The following CCSER1 variants were observed in gnomAD, a reference collection of about 807,000 sequenced individuals.
The protein encoded by CCSER1 is coiled-coil serine rich protein 1, also known as serine-rich coiled-coil domain-containing protein 1.
In CCSER1, 41 loss-of-function variants were observed where a neutral mutation model predicts 82.0. The ratio of observed to expected loss-of-function variants is 0.50; its 90% CI spans 0.39 to 0.65. The LOEUF is 0.65. Among genes scored for constraint, CCSER1 ranks in the 30% least tolerant of loss-of-function variants. CCSER1 has a pLI of 0.00. For synonymous variants in CCSER1, 414 were observed against 383.9 expected (o/e 1.08, Z -0.92); for missense variants, 1,119 against 1,064.2 (o/e 1.05, Z -0.72).
intron 4 of CCSER1, among the ~76,000 whole-genome samples, chr4:90,449,945 C>T (rs1761217018): frequency 6.6e-6 from 1 of 152,198 alleles, no homozygotes; most frequent in Non-Finnish European, 1.5e-5. Context: ...ATGGAGTGTA[C>T]AGCCCTGGCT....
intron 1 of CCSER1, among the ~76,000 whole-genome samples, chr4:90,207,310 A>T (rs1051318410): frequency 5.3e-5 from 8 of 152,152 alleles, no homozygotes; most frequent in African/African-American, 1.4e-4. Flanking sequence ...TGAATGCCTC[A>T]TGAAATTCTC....
intron 10 of CCSER1, among the ~76,000 whole-genome samples, chr4:91,105,637 G>C (rs1725538268): frequency 1.3e-5 from 2 of 152,098 alleles, no homozygotes; most frequent in South Asian, 4.1e-4. Flanking sequence ...CTGGGAGGAG[G>C]AAGTTGCAGT....
At chr4:90,158,589 C>T (rs1324512858) in intron 1 of CCSER1, among the ~76,000 whole-genome samples, 1 of 152,218 alleles carries the variant, frequency 6.6e-6, no homozygotes, top group Non-Finnish European at 1.5e-5. Context: ...ATGGCGGGCT[C>T]CCCTCCCCAG....
intron 5 of CCSER1, among the ~76,000 whole-genome samples, chr4:90,508,224 A>G (rs1420952297): frequency 6.6e-6 from 1 of 152,120 alleles, no homozygotes; most frequent in Non-Finnish European, 1.5e-5. Context: ...TACAGTGAGT[A>G]TAAGAATGAA....
At position 90,308,404 on chromosome 4, in the gene CCSER1, T is replaced by C. The variant is rs745906600; in HGVS notation, c.120T>C (p.Gly40=). 1.2e-5 allele frequency: 19 copies of C among 1,613,676 alleles called. No individual in the cohort carries two copies. The highest frequency in any genetic ancestry group is 3.3e-5 in the Admixed American group (2 of 59,918). ...PSSPSSSNTV[G]VHSSSPSSTN... Reference sequence around the variant, plus strand: ...CACCTTCTTCCAGTAATACAGTTGGTGTCCACAGTTCCTCTCCTTCCAGCA... The same window carrying C: ...CACCTTCTTCCAGTAATACAGTTGGCGTCCACAGTTCCTCTCCTTCCAGCA... Residue 40 remains glycine, a synonymous_variant, in exon 2 of 11, where the codon GGT becomes GGC. Coordinates refer to ENST00000509176, the MANE Select transcript of CCSER1 (RefSeq NM_001145065.2).
intron 10 of CCSER1, among the ~76,000 whole-genome samples, chr4:91,252,993 A>G (rs1740371831): frequency 6.6e-6 from 1 of 152,024 alleles, no homozygotes; most frequent in Non-Finnish European, 1.5e-5. Context: ...CCTGAATCAA[A>G]GGAGAGATTG....
chr4:90,547,178 G>A (rs1776861369), intron 5 of CCSER1, among the ~76,000 whole-genome samples: 1 of 117,614 alleles, frequency 8.5e-6, no homozygotes, highest in Non-Finnish European at 1.6e-5. Context: ...TGGAGTGATA[G>A]TTTGTTGATG....
chr4:90,300,275 T>A (rs1434471172), intron 1 of CCSER1, among the ~76,000 whole-genome samples: 1 of 152,148 alleles, frequency 6.6e-6, no homozygotes, highest in African/African-American at 2.4e-5. Context: ...TTGGGACACA[T>A]GTTTTGTTAG....
intron 9 of CCSER1, among the ~76,000 whole-genome samples, chr4:91,032,498 G>A (rs935634359): frequency 1.3e-5 from 2 of 152,142 alleles, no homozygotes; most frequent in East Asian, 3.8e-4. Flanking sequence ...GATTTATCCT[G>A]ACTTTGAAAA....
At chr4:91,150,981 T>C (rs1339547663) in intron 10 of CCSER1, among the ~76,000 whole-genome samples, 1 of 152,212 alleles carries the variant, frequency 6.6e-6, no homozygotes, top group Non-Finnish European at 1.5e-5. Context: ...GATGCTGGCC[T>C]CCCAAAATGA....
intron 10 of CCSER1, among the ~76,000 whole-genome samples, chr4:91,469,258 C>G (rs557297678): frequency 6.6e-6 from 1 of 152,128 alleles, no homozygotes; most frequent in East Asian, 1.9e-4. Context: ...CTGAAAAATC[C>G]TTCTGGCCTG....
intron 10 of CCSER1, among the ~76,000 whole-genome samples, chr4:91,174,830 T>C (rs1581708167): frequency 6.6e-6 from 1 of 151,764 alleles, no homozygotes; most frequent in Non-Finnish European, 1.5e-5. Flanking sequence ...TTCTTTTTTT[T>C]TTTTTATTAT....
chr4:91,066,457 A>G (rs1720827590), intron 9 of CCSER1, among the ~76,000 whole-genome samples: 2 of 152,186 alleles, frequency 1.3e-5, no homozygotes, highest in Admixed American at 1.3e-4. Flanking sequence ...AAAATTTGAA[A>G]TGGAAGGTGA....
At chr4:91,176,049 C>T (rs1419485117) in intron 10 of CCSER1, among the ~76,000 whole-genome samples, 1 of 152,190 alleles carries the variant, frequency 6.6e-6, no homozygotes, top group Admixed American at 6.5e-5. Context: ...TATGGCTAGC[C>T]AGTTTTCCCA....
At chr4:90,258,140 G>C (rs569307362) in intron 1 of CCSER1, among the ~76,000 whole-genome samples, 1 of 152,182 alleles carries the variant, frequency 6.6e-6, no homozygotes, top group South Asian at 2.1e-4. Context: ...AATAATTTCT[G>C]GTTTTTATAG....
intron 9 of CCSER1, chr4:90,938,811 T>C (rs189697747): frequency 1.3e-5 from 3 of 236,326 alleles, no homozygotes; most frequent in Admixed American, 9.8e-5. Flanking sequence ...ATCAATTTTT[T>C]CATCATTTCA....
intron 9 of CCSER1, among the ~76,000 whole-genome samples, chr4:90,985,972 A>G (rs946983274): frequency 1.3e-5 from 2 of 151,802 alleles, no homozygotes; most frequent in African/African-American, 4.8e-5. Context: ...AGTTAATAAC[A>G]TTAAGTAAAT....
intron 8 of CCSER1, chr4:90,911,368 A>G (rs375160868): frequency 6.6e-6 from 3 of 455,892 alleles, no homozygotes; most frequent in Non-Finnish European, 4.4e-6. Flanking sequence ...GTGGGTGACA[A>G]TGATCAATGT....
intron 10 of CCSER1, among the ~76,000 whole-genome samples, chr4:91,491,474 T>G (rs1249402631): frequency 6.6e-6 from 1 of 152,072 alleles, no homozygotes; most frequent in Non-Finnish European, 1.5e-5. Context: ...CATCAAATAA[T>G]GCAACAAAAT....
Sources: gnomAD v4.1 joint callset for allele counts (sites outside exome capture counted in the v4.1 genomes callset) on GRCh38, gnomAD v4.1.1 for gene constraint, MANE v1.5 for transcripts, NCBI Gene and HGNC (gene_info 2026-07-23, HGNC 2026-07-21) for gene names.